Variants in ARHGAP20 observed in about 807,000 individuals in gnomAD.
ARHGAP20 encodes Rho GTPase activating protein 20.
A neutral mutation model predicts 73.7 loss-of-function variants in ARHGAP20; 34 were observed. That is an observed-to-expected ratio of 0.46 (90% CI 0.35 to 0.61). The LOEUF (loss-of-function observed/expected upper bound fraction) is 0.61, where lower values mean the gene tolerates loss of function less well. Ranked by LOEUF, ARHGAP20 falls within the 20% of genes least tolerant of loss-of-function variation. The probability of loss-of-function intolerance (pLI) is 0.00; values close to 1 mark genes in which losing one functional copy is unlikely to be tolerated. For missense variants in ARHGAP20, 1,314 were observed against 1,420.9 expected, an observed-to-expected ratio of 0.92 and a Z score of 1.21; for synonymous variants, 523 against 518.2, an observed-to-expected ratio of 1.01 and a Z score of -0.13.
chr11:110,698,053 G>A (rs996765647), intron 1 of ARHGAP20, among the ~76,000 whole-genome samples: 6 of 151,722 alleles, frequency 4.0e-5, no homozygotes, highest in Admixed American at 2.0e-4. Context: ...TCCAGTCTAT[G>A]AGCATGGGAT....
At chr11:110,611,242 A>C (rs1262813555) in intron 7 of ARHGAP20, 67 bp downstream of exon 7, 1 of 1,079,328 alleles carries the variant, frequency 9.3e-7, no homozygotes, top group East Asian at 2.8e-5. Flanking sequence ...ATGGAAGGAA[A>C]ATACTTACAT....
chr11:110,614,688 T>G (rs747399618), intron 5 of ARHGAP20, 43 bp from the exon 6 acceptor site: 1 of 1,271,056 alleles, frequency 7.9e-7, no homozygotes, highest in Non-Finnish European at 1.1e-6. Context: ...CTGAGTCAGA[T>G]GGAATTCGCT....
intron 9 of ARHGAP20, among the ~76,000 whole-genome samples, chr11:110,598,375 G>C (rs1450073720): frequency 6.6e-6 from 1 of 152,110 alleles, no homozygotes; most frequent in Non-Finnish European, 1.5e-5. Flanking sequence ...AACTACTTCA[G>C]ACTACACTCA....
At chr11:110,639,460 C>A (rs1240160541) in intron 2 of ARHGAP20, among the ~76,000 whole-genome samples, 2 of 151,538 alleles carry the variant, frequency 1.3e-5, no homozygotes. Flanking sequence ...TTTAAAAATG[C>A]ATAATTCAGT....
intron 2 of ARHGAP20, among the ~76,000 whole-genome samples, chr11:110,652,233 A>G (rs976295301): frequency 1.3e-5 from 2 of 152,142 alleles, no homozygotes; most frequent in African/African-American, 2.4e-5. Context: ...GAAGAAACAT[A>G]CCTCAAAATA....
intron 2 of ARHGAP20, among the ~76,000 whole-genome samples, chr11:110,638,186 C>A (rs1949008545): frequency 6.6e-6 from 1 of 151,872 alleles, no homozygotes; most frequent in Non-Finnish European, 1.5e-5. Flanking sequence ...CTCAAGTATA[C>A]AAATTTTGTT....
intron 9 of ARHGAP20, among the ~76,000 whole-genome samples, chr11:110,601,003 GA>G (rs1948097001): frequency 6.6e-6 from 1 of 152,192 alleles, no homozygotes; most frequent in Non-Finnish European, 1.5e-5. Context: ...GATATTTTCT[GA>G]AAGCTAATTA....
In ARHGAP20 at chr11:110,579,420, G is replaced by A. The variant is rs190416825; in HGVS notation, c.3526C>T (p.Pro1176Ser). 2.0e-5 allele frequency: 33 copies of A among 1,612,502 alleles called. No homozygotes were observed. In the Middle Eastern group the frequency reaches 2.0e-3, roughly 97 times the overall value. The change falls in exon 15 of 15, where the codon CCT (proline) becomes TCT (serine). Residue 1176 changes from proline (P) to serine (S), a missense_variant. Coordinates refer to ENST00000683387, the MANE Select transcript of ARHGAP20 (RefSeq NM_001384657.1). ...TCCTCAATGTCGCAGACCACTGTAG[G>A]CCCTGAGTCTGGGCTGGTCGCATCC... ...LEDATSPDSG[P>S]TVVCDIEDRY...
intron 2 of ARHGAP20, among the ~76,000 whole-genome samples, chr11:110,656,514 G>T (rs2065255952): frequency 1.3e-5 from 2 of 152,064 alleles, no homozygotes; most frequent in Non-Finnish European, 2.9e-5. Context: ...GTGGGTATTT[G>T]CCTGAGTCCT....
intron 2 of ARHGAP20, among the ~76,000 whole-genome samples, chr11:110,672,470 G>T (rs1777573820): frequency 6.6e-6 from 1 of 151,500 alleles, no homozygotes; most frequent in Admixed American, 6.6e-5. Context: ...CCACCAGATG[G>T]CTAATTTTTT....
At chr11:110,599,864 G>C (rs572760317) in intron 9 of ARHGAP20, among the ~76,000 whole-genome samples, 74 of 152,056 alleles carry the variant, frequency 4.9e-4, no homozygotes, top group African/African-American at 1.8e-3. Flanking sequence ...TCCTCTCTCA[G>C]AGCTGCACAG....
At chr11:110,671,145 C>A (rs1214364420) in intron 2 of ARHGAP20, among the ~76,000 whole-genome samples, 4 of 151,724 alleles carry the variant, frequency 2.6e-5, no homozygotes, top group Non-Finnish European at 4.4e-5. Flanking sequence ...ATTCTTGCAA[C>A]TTTTCTGTAA....
chr11:110,703,661 T>C (rs983003801), intron 1 of ARHGAP20, among the ~76,000 whole-genome samples: 3 of 152,150 alleles, frequency 2.0e-5, no homozygotes, highest in Admixed American at 6.5e-5. Flanking sequence ...CCTTATACAT[T>C]ATTCTTTGTT....
chr11:110,687,085 T>TAAAC (rs1346843185), intron 2 of ARHGAP20, among the ~76,000 whole-genome samples: 2 of 91,938 alleles, frequency 2.2e-5, no homozygotes, highest in East Asian at 7.2e-4. Context: ...CACATATATA[T>TAAAC]AGACACACAC....
At chr11:110,595,162 C>G (rs1472596471) in intron 9 of ARHGAP20, among the ~76,000 whole-genome samples, 12 of 151,884 alleles carry the variant, frequency 7.9e-5, no homozygotes, top group African/African-American at 2.9e-4. Flanking sequence ...TAAGAGCTAT[C>G]TATGACAAAC....
intron 4 of ARHGAP20, among the ~76,000 whole-genome samples, chr11:110,616,007 T>C (rs56242845): frequency 1.2e-3 from 190 of 152,252 alleles, no homozygotes; most frequent in African/African-American, 4.3e-3. Flanking sequence ...TCTACATCTA[T>C]GAAACTGGGT....
At position 110,578,849 on chromosome 11, in the gene ARHGAP20, C is replaced by T; in HGVS notation, c.*521G>A. 1 of 985,842 alleles carries T rather than the reference C, an allele frequency of 1.0e-6. No homozygotes were observed. The highest frequency in any genetic ancestry group is 1.2e-6 in the Non-Finnish European group (1 of 830,026). 61.1% of individuals were successfully genotyped at this position (985,842 alleles called of 1,614,324 possible). On this transcript the variant is annotated 3_prime_UTR_variant, in exon 15 of 15. Transcript: ENST00000683387. ...ATTAGTAAGATCCCACAAAAATGGCCACTGGCTTAGATTTAGGGAAAGATT... is the reference window on the plus strand; with the variant it reads ...ATTAGTAAGATCCCACAAAAATGGCTACTGGCTTAGATTTAGGGAAAGATT...
intron 9 of ARHGAP20, among the ~76,000 whole-genome samples, chr11:110,599,182 A>G (rs2134853948): frequency 6.6e-6 from 1 of 152,314 alleles, no homozygotes; most frequent in East Asian, 1.9e-4. Context: ...AACTGTAGAC[A>G]TAGACATTTC....
Position 110,712,321 on chromosome 11 carries a change from CG to C in ARHGAP20, c.-91del. On this transcript the variant is annotated 5_prime_UTR_variant, in exon 1 of 15. Coordinates refer to ENST00000683387, the MANE Select transcript of ARHGAP20 (RefSeq NM_001384657.1). ...GGCCGGAGGGGCGAGGACGCGCGGG[CG>C]GAGGCGCGGCTGCCGTGCTCAGGCA... is the stretch of plus-strand genomic sequence containing the variant. 1 of 1,106,324 alleles carries C rather than the reference CG, an allele frequency of 9.0e-7. No homozygotes were observed. The highest frequency in any genetic ancestry group is 1.2e-6 in the Non-Finnish European group (1 of 860,384). The allele number at this position is 1,106,324 out of a possible 1,614,324, so 68.5% of individuals were successfully genotyped here.
Sources: allele counts gnomAD v4.1 joint callset (sites outside exome capture counted in the v4.1 genomes callset), GRCh38; gene constraint gnomAD v4.1.1; transcripts MANE v1.5; gene names NCBI Gene and HGNC (gene_info 2026-07-23, HGNC 2026-07-21).